Variants in PERP observed in about 807,000 individuals in gnomAD.
PERP encodes the protein p53 apoptosis effector related to PMP-22.
A neutral mutation model predicts 20.3 loss-of-function variants in PERP; 11 were observed. That is an observed-to-expected ratio of 0.54 (90% confidence interval 0.34 to 0.90). The LOEUF (loss-of-function observed/expected upper bound fraction) is 0.90. PERP is among the 40% of genes least tolerant of loss of function. The probability of loss-of-function intolerance (pLI) is 0.02; values close to 1 mark genes in which losing one functional copy is unlikely to be tolerated. For missense variants in PERP, 224 were observed against 249.4 expected (o/e 0.90, Z 0.69); for synonymous variants, 101 against 102.0 (o/e 0.99, Z 0.06).
At chr6:138,100,388 C>T (rs750269535) in intron 1 of PERP, among the ~76,000 whole-genome samples, 8 of 152,200 alleles carry the variant, frequency 5.3e-5, no homozygotes, top group Non-Finnish European at 1.0e-4. Context: ...CCCTATTTCC[C>T]GACCCCACTG....
At chr6:138,095,489 A>G (rs1340568985) in intron 2 of PERP, among the ~76,000 whole-genome samples, 2 of 152,180 alleles carry the variant, frequency 1.3e-5, no homozygotes, top group Non-Finnish European at 2.9e-5. Flanking sequence ...ACCTGTTTCC[A>G]AGACCATCTG....
Position 138,100,560 on chromosome 6 carries a change from G to GTA in PERP, c.215-4067_215-4066insTA, listed in dbSNP as rs926494346. Among the ~76,000 whole-genome samples, 46 of 152,010 alleles carry GTA rather than the reference G, an allele frequency of 3.0e-4. No homozygotes were observed. In the South Asian group the frequency reaches 3.3e-3, roughly 11 times the overall value. On this transcript the variant is annotated intron_variant, in intron 1 of 2. Coordinates refer to ENST00000421351, the MANE Select transcript of PERP (RefSeq NM_022121.5). ...ACCAGATTTGTGTGTGTGTGTGTGT[G>GTA]TGTGTGTGTGTGTGTAAGTGTATGG...
At chr6:138,095,713 T>C (rs1775676823) in intron 2 of PERP, among the ~76,000 whole-genome samples, 1 of 152,182 alleles carries the variant, frequency 6.6e-6, no homozygotes, top group South Asian at 2.1e-4. Flanking sequence ...CAGACCTGAC[T>C]AAAATTTCCA....
In PERP at chr6:138,106,770, A is replaced by T. The variant is rs554458882; in HGVS notation, c.214+357T>A. Among the ~76,000 whole-genome samples, 52 of 152,336 alleles carry T rather than the reference A, an allele frequency of 3.4e-4. 2 individuals are homozygous for T. The highest frequency in any genetic ancestry group is 3.3e-3 in the Admixed American group (50 of 15,300). ...TAAGAAGAAACGAGAAGGAAGAGAA[A>T]TGGGAAGAAATTTCAGGTCTCCAAG... On this transcript the variant is annotated intron_variant, in intron 1 of 2. Transcript: ENST00000421351.
rs1038504471 is a variant in PERP, at chr6:138,107,079, C to T, written c.214+48G>A. 6 of 1,560,030 alleles carry T rather than the reference C, an allele frequency of 3.8e-6. No homozygotes were observed. In the African/African-American group the frequency reaches 4.1e-5, roughly 11 times the overall value. ...CGCGGCGGCTTTTGCAGGCCGCGGC[C>T]CCGAGGGCTTCCTGGAGGCGGCGAC... On this transcript the variant is annotated intron_variant, in intron 1 of 2. Coordinates refer to ENST00000421351, the MANE Select transcript of PERP (RefSeq NM_022121.5). The surrounding 1 kb of genome is among the most constrained non-coding windows in gnomAD (Gnocchi z 4.8).
chr6:138,089,282 AAAT>A lies in PERP; in HGVS notation c.*2757_*2759del, dbSNP rs1230701379. 1 of 151,734 alleles carries A rather than the reference AAAT, an allele frequency of 6.6e-6. No homozygotes were observed. The highest frequency in any genetic ancestry group is 1.5e-5 in the Non-Finnish European group (1 of 67,902). 9.4% of individuals were successfully genotyped at this position (151,734 alleles called of 1,614,324 possible). ...TTCAGGGGGAGTTTACAGAAAAAAA[AAAT>A]AAACCGAATTAAGTTATGATGACTA... On this transcript the variant is annotated 3_prime_UTR_variant, in exon 3 of 3. Coordinates refer to ENST00000421351, the MANE Select transcript of PERP (RefSeq NM_022121.5).
intron 1 of PERP, among the ~76,000 whole-genome samples, chr6:138,106,846 T>A (rs1368174985): frequency 6.6e-6 from 1 of 151,582 alleles, no homozygotes; most frequent in Non-Finnish European, 1.5e-5. Context: ...CTTGAAATAA[T>A]CTTTCGTACG....
chr6:138,092,446 G>A (rs1775603663), intron 2 of PERP, among the ~76,000 whole-genome samples, 178 bp from the exon 3 acceptor site: 2 of 152,198 alleles, frequency 1.3e-5, no homozygotes, highest in Admixed American at 6.5e-5. Context: ...TGACTACTGT[G>A]TGTAAGAGAT....
chr6:138,096,372 C>A lies in PERP; in HGVS notation c.337G>T (p.Gly113Cys), dbSNP rs991727117. ...QMLVFLRVIG[G>C]LLALAAVFQI... ...GTCTTACCAGCCAAGGCAAGGAGAC[C>A]TCCAATCACTCTCAGGAAGACAAGC... Residue 113 changes from glycine (G) to cysteine (C), a missense_variant, in exon 2 of 3, where the codon GGT (glycine) becomes TGT (cysteine). Gly to Cys is a radical substitution (Grantham distance 159). Transcript: ENST00000421351. 5.0e-6 allele frequency: 8 copies of A among 1,613,754 alleles called. No individual in the cohort carries two copies. Among genetic ancestry groups the A allele is most frequent in the African/African-American group, 1.3e-5 (1 of 74,850 alleles).
rs987603046 is a variant in PERP at position 138,089,113 on chromosome 6, A to G, written c.*2929T>C. On this transcript the variant is annotated 3_prime_UTR_variant, in exon 3 of 3. Coordinates refer to ENST00000421351, the MANE Select transcript of PERP (RefSeq NM_022121.5). ...ATTTACAATCATTTTACAGGTGAGG[A>G]TATTGAGACCAGCAGGGAGATGACC... 1 of 152,174 alleles carries G rather than the reference A, an allele frequency of 6.6e-6. No homozygotes were observed. 9.4% of individuals were successfully genotyped at this position (152,174 alleles called of 1,614,324 possible).
chr6:138,099,949 T>C (rs937394416), intron 1 of PERP, among the ~76,000 whole-genome samples: 3 of 152,196 alleles, frequency 2.0e-5, no homozygotes, highest in Non-Finnish European at 4.4e-5. Context: ...CCACATTTTG[T>C]CTTGAGAAAG....
chr6:138,105,398 GA>G (rs1205266161), intron 1 of PERP, among the ~76,000 whole-genome samples: 5 of 151,854 alleles, frequency 3.3e-5, no homozygotes, highest in Non-Finnish European at 2.9e-5. Flanking sequence ...ACCAAACTAA[GA>G]AAAAAAACCT....
rs554926938 is a variant in PERP, at chr6:138,096,501, G to GA, written c.215-8dup. On this transcript the variant is annotated splice_region_variant and splice_polypyrimidine_tract_variant and intron_variant, in intron 1 of 2. Coordinates refer to ENST00000421351, the MANE Select transcript of PERP (RefSeq NM_022121.5). ...GCCGCTGCTCTACCCCACGCTGCAA[G>GA]AAAAAAAGAAACAGCAATTAACAAG... 5.2e-5 allele frequency: 83 copies of GA among 1,595,886 alleles called. No individual in the cohort carries two copies. The African/African-American group carries it at 6.4e-4, about 12-fold the overall frequency.
chr6:138,095,352 CT>C (rs1775664139), intron 2 of PERP, among the ~76,000 whole-genome samples: 1 of 152,192 alleles, frequency 6.6e-6, no homozygotes, highest in South Asian at 2.1e-4. Context: ...GGCACTCCTC[CT>C]GCCTCGCCTG....
rs1415240524 is a variant in PERP, at chr6:138,092,205, T to C, written c.419A>G (p.His140Arg). 3 of 1,614,074 alleles carry C rather than the reference T, an allele frequency of 1.9e-6. No individual in the cohort carries two copies. The South Asian group carries it at 3.3e-5, about 18-fold the overall frequency. Reference sequence around the variant, plus strand: ...GATGTAAGTGACAGCAGGGTTGGCATGAAGGGTGAAGGTCTGGGTGTACTT... The same window carrying C: ...GATGTAAGTGACAGCAGGGTTGGCACGAAGGGTGAAGGTCTGGGTGTACTT... ...PVKYTQTFTL[H>R]ANPAVTYIYN... Residue 140 changes from histidine (H) to arginine (R), a missense_variant, in exon 3 of 3, where the codon CAT (histidine) becomes CGT (arginine). Physicochemically the swap from His to Arg is conservative, Grantham distance 29. Transcript: ENST00000421351.
chr6:138,094,835 C>T (rs1452892731), intron 2 of PERP, among the ~76,000 whole-genome samples: 3 of 152,170 alleles, frequency 2.0e-5, no homozygotes, highest in African/African-American at 7.2e-5. Context: ...ATTCTCCTGC[C>T]TCAGCCTCCC....
At position 138,107,321 on chromosome 6, in the gene PERP, G is replaced by C. The variant is rs1488948184; in HGVS notation, c.20C>G (p.Ala7Gly). 6.2e-7 allele frequency: 1 copy of C among 1,601,044 alleles called. No homozygotes were observed. Among genetic ancestry groups the C allele is most frequent in the Non-Finnish European group, 8.5e-7 (1 of 1,176,950 alleles). Reference sequence around the variant, plus strand: ...CAGGATCCAGCGGCAGCGCTCGCAGGCCAGGCCGCAGCGGATCATGTTGAC... The same window carrying C: ...CAGGATCCAGCGGCAGCGCTCGCAGCCCAGGCCGCAGCGGATCATGTTGAC... MIRCGLACERCRWILPL... is the reference protein window; with the variant it reads MIRCGLGCERCRWILPL... The change falls in exon 1 of 3, where the codon GCC (alanine) becomes GGC (glycine). Residue 7 changes from alanine (A) to glycine (G), a missense_variant. By Grantham distance (60) the Ala-to-Gly change is moderately conservative (BLOSUM62 0). Transcript: ENST00000421351. This position sits in a 1 kb window ranked among gnomAD's most constrained non-coding sequence, Gnocchi z 4.8.
At position 138,088,690 on chromosome 6, in the gene PERP, C is replaced by T. The variant is rs1775530695; in HGVS notation, c.*3352G>A. On this transcript the variant is annotated 3_prime_UTR_variant, in exon 3 of 3. Transcript: ENST00000421351. The stretch of plus-strand genomic sequence containing the variant: ...CACCCTGACACACCTAGAAAATACA[C>T]CCAGATACCAGAATTGCAAAATTCA... The T allele has an allele frequency of 6.6e-6, 1 of 152,092 alleles. No individual in the cohort carries two copies. Among genetic ancestry groups the T allele is most frequent in the Non-Finnish European group, 1.5e-5 (1 of 68,040 alleles). The allele number at this position is 152,092 out of a possible 1,614,324, so 9.4% of individuals were successfully genotyped here.
intron 1 of PERP, among the ~76,000 whole-genome samples, chr6:138,103,777 T>C (rs909303221): frequency 1.3e-5 from 2 of 152,218 alleles, no homozygotes; most frequent in African/African-American, 4.8e-5. Context: ...ATGTGAACTA[T>C]TAACTTGTAC....
Sources: gnomAD v4.1 joint callset for allele counts (sites outside exome capture counted in the v4.1 genomes callset) on GRCh38, gnomAD v4.1.1 for gene constraint, Gnocchi (gnomAD v3.1) non-coding constraint, MANE v1.5 for transcripts, NCBI Gene and HGNC (gene_info 2026-07-23, HGNC 2026-07-21) for gene names.